MAP2K3: variants seen among roughly 807,000 people sequenced by gnomAD.
MAP2K3 encodes mitogen-activated protein kinase kinase 3, also known as dual specificity mitogen-activated protein kinase kinase 3.
A neutral mutation model predicts 46.4 loss-of-function variants in MAP2K3; 30 were observed. The ratio of observed to expected loss-of-function variants is 0.65; its 90% CI spans 0.48 to 0.88. The LOEUF is 0.88. Among genes scored for constraint, MAP2K3 ranks in the 40% least tolerant of loss-of-function variants. The probability of loss-of-function intolerance (pLI) is 0.00; values close to 1 mark genes in which losing one functional copy is unlikely to be tolerated. For synonymous variants in MAP2K3, 189 were observed against 176.3 expected (o/e 1.07, Z -0.57); for missense variants, 380 against 464.5 (o/e 0.82, Z 1.67).
At chr17:21,308,744 TA>T (rs1977021604) in intron 9 of MAP2K3, among the ~76,000 whole-genome samples, 1 of 152,194 alleles carries the variant, frequency 6.6e-6, no homozygotes, top group Non-Finnish European at 1.5e-5. Flanking sequence ...ACTGGTTGGA[TA>T]TTAGAGACCC....
At chr17:21,288,542 A>G (rs1975789416) in intron 1 of MAP2K3, among the ~76,000 whole-genome samples, 1 of 152,206 alleles carries the variant, frequency 6.6e-6, no homozygotes, top group African/African-American at 2.4e-5. Flanking sequence ...CCAGAGCCTG[A>G]CTGCCTGGGT....
At chr17:21,298,348 A>T (rs1005847034) in intron 1 of MAP2K3, 65 bp from the exon 2 acceptor site, 1 of 1,606,726 alleles carries the variant, frequency 6.2e-7, no homozygotes. Context: ...CTGATGGCTC[A>T]TGGGAGTGCA....
intron 3 of MAP2K3, among the ~76,000 whole-genome samples, chr17:21,299,751 G>A (rs1272509393): frequency 6.6e-6 from 1 of 152,356 alleles, no homozygotes; most frequent in East Asian, 1.9e-4. Flanking sequence ...GGGAGGCTGA[G>A]GCGGGTAGAT....
rs573985903 is a variant in MAP2K3, at chr17:21,310,958, C to T, written c.775-1184C>T. Among the ~76,000 whole-genome samples the T allele has an allele frequency of 1.1e-4, 16 of 152,340 alleles. 1 individual carries two copies. In the South Asian group the frequency reaches 1.5e-3, roughly 14 times the overall value. Reference sequence around the variant, plus strand: ...GGCCGCTGGTCCTTCTCCTGTAGCTCGTATGGGGTACTTGCTCTACATATT... The same window carrying T: ...GGCCGCTGGTCCTTCTCCTGTAGCTTGTATGGGGTACTTGCTCTACATATT... On this transcript the variant is annotated intron_variant, in intron 9 of 11. Transcript: ENST00000342679.
chr17:21,293,337 C>G (rs796917577), intron 1 of MAP2K3, among the ~76,000 whole-genome samples: 2 of 152,422 alleles, frequency 1.3e-5, no homozygotes, highest in South Asian at 2.1e-4. Context: ...CAGCGAGGCC[C>G]GTGCCTCTGG....
At chr17:21,310,302 C>T (rs571813154) in intron 9 of MAP2K3, among the ~76,000 whole-genome samples, 4 of 152,132 alleles carry the variant, frequency 2.6e-5, no homozygotes, top group Non-Finnish European at 5.9e-5. Flanking sequence ...AGCCACCGCA[C>T]CTGGCCAATT....
chr17:21,297,742 C>T (rs1265472355), intron 1 of MAP2K3, among the ~76,000 whole-genome samples: 9 of 5,650 alleles, frequency 1.6e-3, no homozygotes, highest in Admixed American at 0.011. Flanking sequence ...TCTCGCCTGT[C>T]CCTAGGGGTG....
chr17:21,298,367 T>C (rs1181936575), intron 1 of MAP2K3, 46 bp from the exon 2 acceptor site: 5 of 1,613,214 alleles, frequency 3.1e-6, no homozygotes, highest in Non-Finnish European at 4.2e-6. Flanking sequence ...CAGGGGACAT[T>C]GATGTCAAGG....
rs779596667 is a variant in MAP2K3 at position 21,298,482 on chromosome 17, G to A, written c.116+3G>A. The A allele has an allele frequency of 1.9e-6, 3 of 1,614,198 alleles. No homozygotes were observed. Among genetic ancestry groups the A allele is most frequent in the Non-Finnish European group, 2.5e-6 (3 of 1,180,064 alleles). ...AAGCCACCCGCACCCAACCCCACGT[G>A]AGTCTGCCTCAGTTTCTCCCTGGCT... On this transcript the variant is annotated splice_donor_region_variant and intron_variant, in intron 2 of 11. Coordinates refer to ENST00000342679, the MANE Select transcript of MAP2K3 (RefSeq NM_145109.3).
In MAP2K3 at chr17:21,295,596, CA is replaced by C. The variant is rs2074351941; in HGVS notation, c.50-2816del. On this transcript the variant is annotated intron_variant, in intron 1 of 11. Transcript: ENST00000342679. ...TTCTAGGCTGTCTCCATGACGGCCTCACCCACTCCCTCTGACAGCTGGGTGG... is the reference window on the plus strand; with the variant it reads ...TTCTAGGCTGTCTCCATGACGGCCTCCCCACTCCCTCTGACAGCTGGGTGG... The C allele has an allele frequency of 5.0e-5, 64 of 1,282,170 alleles. No homozygotes were observed. In the South Asian group the frequency reaches 7.5e-4, roughly 15 times the overall value. The allele number at this position is 1,282,170 out of a possible 1,614,324, so 79.4% of individuals were successfully genotyped here. A position where few individuals can be genotyped will look rare whatever the true frequency, so the allele number is the denominator to read the frequency against.
In MAP2K3 at chr17:21,302,267, G is replaced by T. The variant is rs766499242; in HGVS notation, c.516+8G>T. 4 of 1,610,680 alleles carry T rather than the reference G, an allele frequency of 2.5e-6. No homozygotes were observed. Among genetic ancestry groups the T allele is most frequent in the Admixed American group, 1.7e-5 (1 of 59,994 alleles). ...GGGGAGATTGCTGTGTCTGTGAGTG[G>T]CCTGGGTGGGCTGGCGGGGGGTCCT... On this transcript the variant is annotated splice_region_variant and intron_variant, in intron 6 of 11. Coordinates refer to ENST00000342679, the MANE Select transcript of MAP2K3 (RefSeq NM_145109.3).
At position 21,302,278 on chromosome 17, in the gene MAP2K3, C is replaced by A. The variant is rs748481741; in HGVS notation, c.516+19C>A. The A allele has an allele frequency of 2.1e-6, 1 of 474,194 alleles. No individual in the cohort carries two copies. The allele number at this position is 474,194 out of a possible 1,614,324, so 29.4% of individuals were successfully genotyped here. A position where few individuals can be genotyped will look rare whatever the true frequency, so the allele number is the denominator to read the frequency against. On this transcript the variant is annotated intron_variant, in intron 6 of 11. Coordinates refer to ENST00000342679, the MANE Select transcript of MAP2K3 (RefSeq NM_145109.3). ...TGTGTCTGTGAGTGGCCTGGGTGGG[C>A]TGGCGGGGGGTCCTAGGTGCATAGG...
At chr17:21,296,605 G>A (rs1976266478) in intron 1 of MAP2K3, among the ~76,000 whole-genome samples, 1 of 152,312 alleles carries the variant, frequency 6.6e-6, no homozygotes, top group Non-Finnish European at 1.5e-5. Flanking sequence ...CTGACTTGCT[G>A]TGCAGCCTGG....
At chr17:21,310,072 C>T (rs1158737634) in intron 9 of MAP2K3, among the ~76,000 whole-genome samples, 1 of 150,950 alleles carries the variant, frequency 6.6e-6, no homozygotes, top group Non-Finnish European at 1.5e-5. Context: ...GTGGTGCAAT[C>T]TCGGCTCACC....
chr17:21,298,511 C>T (rs765367376), intron 2 of MAP2K3, 32 bp downstream of exon 2: 30 of 1,614,162 alleles, frequency 1.9e-5, no homozygotes, highest in Middle Eastern at 1.6e-4. Flanking sequence ...CCTGGCTCAC[C>T]CTGGAGAGGC....
intron 1 of MAP2K3, among the ~76,000 whole-genome samples, chr17:21,297,643 G>A (rs2144538217): frequency 6.6e-6 from 1 of 152,428 alleles, no homozygotes; most frequent in Non-Finnish European, 1.5e-5. Context: ...TGGAGCCCCA[G>A]AAATGCTGAC....
intron 5 of MAP2K3, 96 bp downstream of exon 5, chr17:21,301,089 TG>T (rs1391571106): frequency 8.3e-5 from 131 of 1,585,964 alleles, no homozygotes; most frequent in Admixed American, 7.9e-4. Flanking sequence ...CGCCAGGTGC[TG>T]GGGACACCTG....
At chr17:21,299,836 GC>G (rs1203978567) in intron 3 of MAP2K3, among the ~76,000 whole-genome samples, 12 of 152,400 alleles carry the variant, frequency 7.9e-5, no homozygotes, top group African/African-American at 2.9e-4. Flanking sequence ...ACAAAAATTA[GC>G]CCGGTGTGGT....
chr17:21,295,566 C>T (rs1414996311), intron 1 of MAP2K3: 172 of 1,254,148 alleles, frequency 1.4e-4, no homozygotes, highest in Non-Finnish European at 1.8e-4. Context: ...CAGCCTGAGG[C>T]CTGTTTCTAG....
Sources: gnomAD v4.1 joint callset for allele counts (sites outside exome capture counted in the v4.1 genomes callset) on GRCh38, gnomAD v4.1.1 for gene constraint, MANE v1.5 for transcripts, NCBI Gene and HGNC (gene_info 2026-07-23, HGNC 2026-07-21) for gene names.